Variants in COBL observed in about 807,000 individuals in gnomAD.
COBL encodes cordon-bleu WH2 repeat protein.
A neutral mutation model predicts 98.8 loss-of-function variants in COBL; 51 were observed. The observed-to-expected ratio is 0.52, with a 90% CI of 0.41 to 0.65. The LOEUF is 0.65. Among genes scored for constraint, COBL ranks in the 30% least tolerant of loss-of-function variants. COBL has a pLI of 0.00. For missense variants in COBL, 1,617 were observed against 1,617.5 expected, an observed-to-expected ratio of 1.00 and a Z score of 0.01; for synonymous variants, 634 against 651.7, an observed-to-expected ratio of 0.97 and a Z score of 0.41.
intron 7 of COBL, among the ~76,000 whole-genome samples, chr7:51,067,756 C>T (rs6945695): frequency 7.1e-4 from 108 of 152,362 alleles, no homozygotes; most frequent in African/African-American, 2.5e-3. Context: ...CTAGCTGCAA[C>T]ATAATATTGG....
chr7:51,243,528 G>A (rs926499636), intron 1 of COBL, among the ~76,000 whole-genome samples: 1 of 152,222 alleles, frequency 6.6e-6, no homozygotes, highest in Non-Finnish European at 1.5e-5. Flanking sequence ...GGGGATCATG[G>A]TGAACAGTTA....
intron 6 of COBL, among the ~76,000 whole-genome samples, chr7:51,105,841 A>C (rs543911271): frequency 4.3e-4 from 65 of 152,082 alleles, no homozygotes; most frequent in Non-Finnish European, 8.4e-4. Flanking sequence ...CAAAAGAACG[A>C]CTTTAATTCC....
At chr7:51,093,982 CAT>C (rs1051619700) in intron 6 of COBL, among the ~76,000 whole-genome samples, 21 of 148,776 alleles carry the variant, frequency 1.4e-4, no homozygotes, top group African/African-American at 3.4e-4. Context: ...TTTTTATATA[CAT>C]ATATATATAT....
intron 6 of COBL, 26 bp from the exon 7 acceptor site, chr7:51,085,330 C>G (rs756589034): frequency 6.3e-7 from 1 of 1,581,818 alleles, no homozygotes; most frequent in Non-Finnish European, 8.6e-7. Flanking sequence ...AAGGAAAGTA[C>G]AATCAAAGTA....
At chr7:51,201,987 A>G (rs1041156318) in intron 2 of COBL, among the ~76,000 whole-genome samples, 5 of 152,178 alleles carry the variant, frequency 3.3e-5, no homozygotes, top group African/African-American at 1.2e-4. Context: ...CCTTTGTCCA[A>G]TGTATTCACA....
chr7:51,262,595 T>C (rs550455965), intron 1 of COBL, among the ~76,000 whole-genome samples: 1 of 152,308 alleles, frequency 6.6e-6, no homozygotes, highest in East Asian at 1.9e-4. Flanking sequence ...CAAGTCGCCA[T>C]GCCTGTGAAC....
chr7:51,160,345 T>C (rs1366568559), intron 5 of COBL, among the ~76,000 whole-genome samples: 1 of 152,198 alleles, frequency 6.6e-6, no homozygotes, highest in Non-Finnish European at 1.5e-5. Context: ...TAATAACATA[T>C]TGTTATTTGT....
rs562116620 is a variant in COBL, at chr7:51,027,872, G to C, written c.3224C>G (p.Thr1075Arg). ...AATACTGTCTGTTTCATTTCCATCTGTAGAGAACACACTGGGCTTTTCCTC... is the reference window on the plus strand; with the variant it reads ...AATACTGTCTGTTTCATTTCCATCTCTAGAGAACACACTGGGCTTTTCCTC... ...EREEKPSVFSTDGNETDSIWP... is the reference protein window; with the variant it reads ...EREEKPSVFSRDGNETDSIWP... The change falls in exon 10 of 13, where the codon ACA (threonine) becomes AGA (arginine). Residue 1075 changes from threonine (T) to arginine (R), a missense_variant. Coordinates refer to ENST00000265136, the MANE Select transcript of COBL (RefSeq NM_015198.5). 6.2e-7 allele frequency: 1 copy of C among 1,614,226 alleles called. No homozygotes were observed. Among genetic ancestry groups the C allele is most frequent in the Admixed American group, 1.7e-5 (1 of 60,026 alleles).
chr7:51,159,929 G>A (rs1015260463), intron 5 of COBL, among the ~76,000 whole-genome samples: 4 of 152,144 alleles, frequency 2.6e-5, no homozygotes, highest in Non-Finnish European at 5.9e-5. Flanking sequence ...TTTCACTATT[G>A]TTGCCCAGGC....
intron 5 of COBL, among the ~76,000 whole-genome samples, chr7:51,160,174 G>A (rs550663085): frequency 3.3e-5 from 5 of 152,178 alleles, no homozygotes; most frequent in Non-Finnish European, 7.3e-5. Context: ...TTACAGGCAT[G>A]AGCCACCATG....
chr7:51,251,676 C>T (rs1796736772), intron 1 of COBL, among the ~76,000 whole-genome samples: 1 of 152,316 alleles, frequency 6.6e-6, no homozygotes, highest in South Asian at 2.1e-4. Context: ...GTCCCCACTG[C>T]ATGCCCAGAT....
At chr7:51,248,684 C>T (rs2129133939) in intron 1 of COBL, among the ~76,000 whole-genome samples, 1 of 152,124 alleles carries the variant, frequency 6.6e-6, no homozygotes, top group South Asian at 2.1e-4. Context: ...CTCAATCTAC[C>T]CAGTCTTTGT....
At chr7:51,289,754 A>G (rs907916432) in intron 1 of COBL, among the ~76,000 whole-genome samples, 1 of 152,254 alleles carries the variant, frequency 6.6e-6, no homozygotes, top group Non-Finnish European at 1.5e-5. Context: ...TTTCAGTGCC[A>G]AAAACAATGA....
Position 51,201,137 on chromosome 7 carries a change from G to T in COBL, c.246-7548C>A, listed in dbSNP as rs541839490. On this transcript the variant is annotated intron_variant, in intron 2 of 12. Coordinates refer to ENST00000265136, the MANE Select transcript of COBL (RefSeq NM_015198.5). ...CGCCTTTAATCCCTGCTACTTGGGA[G>T]GCTGAGGCAGAAGAATTGCTTGAAC... Among the ~76,000 whole-genome samples, 15 of 151,912 alleles carry T rather than the reference G, an allele frequency of 9.9e-5. No individual in the cohort carries two copies. The South Asian group carries it at 3.1e-3, about 32-fold the overall frequency.
rs10242056 is a variant in COBL at position 51,153,401 on chromosome 7, T to C, written c.784-17070A>G. On this transcript the variant is annotated intron_variant, in intron 5 of 12. Coordinates refer to ENST00000265136, the MANE Select transcript of COBL (RefSeq NM_015198.5). Reference sequence around the variant, plus strand: ...AGAATAAAGTAAAAACAAGAAGTCATCCCTATTCTATGCTAAAAAGCAACC... The same window carrying C: ...AGAATAAAGTAAAAACAAGAAGTCACCCCTATTCTATGCTAAAAAGCAACC... Among the ~76,000 whole-genome samples, 1,356 of 152,332 alleles carry C rather than the reference T, an allele frequency of 8.9e-3. 19 individuals are homozygous for C. Among genetic ancestry groups the C allele is most frequent in the African/African-American group, 0.031 (1,289 of 41,572 alleles).
chr7:51,297,616 C>G (rs1801538891), intron 1 of COBL, among the ~76,000 whole-genome samples: 1 of 152,144 alleles, frequency 6.6e-6, no homozygotes, highest in South Asian at 2.1e-4. Flanking sequence ...TGGTCTCGAA[C>G]TCCTGACCTC....
chr7:51,098,872 T>TTATA (rs1399317560), intron 6 of COBL, among the ~76,000 whole-genome samples: 1 of 152,136 alleles, frequency 6.6e-6, no homozygotes, highest in Admixed American at 6.5e-5. Context: ...GAAAGGGGGT[T>TTATA]AATATATAGA....
intron 7 of COBL, among the ~76,000 whole-genome samples, chr7:51,083,531 A>C (rs1793889147): frequency 6.6e-6 from 1 of 152,224 alleles, no homozygotes; most frequent in African/African-American, 2.4e-5. Context: ...GCTGGGCTTG[A>C]AAACTATTCT....
At chr7:51,162,007 T>A (rs1786866784) in intron 5 of COBL, among the ~76,000 whole-genome samples, 1 of 152,248 alleles carries the variant, frequency 6.6e-6, no homozygotes, top group Non-Finnish European at 1.5e-5. Context: ...CCTTGTCTCA[T>A]CCGTTAGCAC....
Sources: allele counts gnomAD v4.1 joint callset (sites outside exome capture counted in the v4.1 genomes callset), GRCh38; gene constraint gnomAD v4.1.1; transcripts MANE v1.5; gene names NCBI Gene and HGNC (gene_info 2026-07-23, HGNC 2026-07-21).